Variants in CDH22 observed in about 807,000 individuals in gnomAD.
The protein encoded by CDH22 is cadherin 22.
In CDH22, 30 loss-of-function variants were observed where a neutral mutation model predicts 58.4. The observed-to-expected ratio is 0.51, with a 90% confidence interval of 0.38 to 0.70. CDH22 has a LOEUF of 0.70. CDH22 is among the 30% of genes least tolerant of loss of function. The pLI is 0.00. For synonymous variants in CDH22, 513 were observed against 558.2 expected, an observed-to-expected ratio of 0.92 and a Z score of 1.14; for missense variants, 1,014 against 1,233.9, an observed-to-expected ratio of 0.82 and a Z score of 2.67.
rs992868334 is a variant in CDH22 at position 46,308,359 on chromosome 20, C to G, written c.-504G>C. ...GGGCGAGTCCGGAGCCCCGCGGCCG[C>G]CCGCAGGAGCCGGAGGGAGAGCGGG... On this transcript the variant is annotated 5_prime_UTR_variant, in exon 1 of 12. Transcript: ENST00000537909. The surrounding 1 kb of genome is among the most constrained non-coding windows in gnomAD (Gnocchi z 4.3). The G allele has an allele frequency of 8.1e-5, 15 of 185,392 alleles. No homozygotes were observed. The highest frequency in any genetic ancestry group is 3.1e-4 in the African/African-American group (13 of 42,092). 11.5% of individuals were successfully genotyped at this position (185,392 alleles called of 1,614,324 possible).
rs890904932 is a variant in CDH22, at chr20:46,251,151, T to C, written c.144A>G (p.Gly48=). The C allele has an allele frequency of 1.1e-5, 17 of 1,593,488 alleles. No homozygotes were observed. The African/African-American group carries it at 1.7e-4, about 16-fold the overall frequency. Reference sequence around the variant, plus strand: ...CTCCCAGCGCGCCGTCCTGCCGAGCTCCGGGCGCCGACGGCGAGGGTGTGC... The same window carrying C: ...CTCCCAGCGCGCCGTCCTGCCGAGCCCCGGGCGCCGACGGCGAGGGTGTGC... ...AAGTPSPSAP[G]ARQDGALGAG... Residue 48 remains glycine (G), a synonymous_variant, in exon 2 of 12, where the codon GGA becomes GGG. Transcript: ENST00000537909. This position sits in a 1 kb window ranked among gnomAD's most constrained non-coding sequence, Gnocchi z 6.7.
rs776176387 is a variant in CDH22 at position 46,251,218 on chromosome 20, A to G, written c.77T>C (p.Leu26Pro). Residue 26 changes from leucine (L) to proline (P), a missense_variant, in exon 2 of 12, where the codon CTG becomes CCG. By Grantham distance (98) the Leu-to-Pro change is moderately conservative. Coordinates refer to ENST00000537909, the MANE Select transcript of CDH22 (RefSeq NM_021248.3). The surrounding 1 kb of genome is among the most constrained non-coding windows in gnomAD (Gnocchi z 6.7). The part of the protein sequence containing the change: ...LSPALLLLLL[L>P]PPPPTLLGRL... ...CCCCAGCAGCGTCGGCGGCGGCGGC[A>G]GCAGCAGCAGCAGCAGTAGCGCGGG... The G allele has an allele frequency of 2.0e-5, 26 of 1,307,578 alleles. No homozygotes were observed. Among genetic ancestry groups the G allele is most frequent in the South Asian group, 6.5e-5 (4 of 61,874 alleles). The allele number at this position is 1,307,578 out of a possible 1,614,324, so 81.0% of individuals were successfully genotyped here. A position where few individuals can be genotyped will look rare whatever the true frequency, so the allele number is the denominator to read the frequency against.
At chr20:46,254,785 T>C (rs1013378877) in intron 1 of CDH22, among the ~76,000 whole-genome samples, 3 of 151,984 alleles carry the variant, frequency 2.0e-5, no homozygotes, top group African/African-American at 7.2e-5. Flanking sequence ...GGAGGTGGCA[T>C]TGGGCTGAGT....
intron 1 of CDH22, among the ~76,000 whole-genome samples, chr20:46,261,106 T>C (rs1225788041): frequency 6.6e-6 from 1 of 152,236 alleles, no homozygotes; most frequent in Non-Finnish European, 1.5e-5. Flanking sequence ...CTTGGTAATT[T>C]GCTTCCTTTC....
chr20:46,253,245 G>T (rs2086389626), intron 1 of CDH22, among the ~76,000 whole-genome samples: 1 of 152,210 alleles, frequency 6.6e-6, no homozygotes, highest in African/African-American at 2.4e-5. Flanking sequence ...TGCCTATTTT[G>T]CAGATGCCTA....
intron 1 of CDH22, among the ~76,000 whole-genome samples, chr20:46,289,692 G>A (rs530233054): frequency 1.3e-5 from 2 of 152,262 alleles, no homozygotes; most frequent in South Asian, 2.1e-4. Context: ...TGCCTGGGGC[G>A]ATATGAGGGA....
chr20:46,294,715 G>T (rs1018557537), intron 1 of CDH22, among the ~76,000 whole-genome samples: 1 of 152,180 alleles, frequency 6.6e-6, no homozygotes, highest in Non-Finnish European at 1.5e-5. Context: ...GGGTAGGTGG[G>T]GGCTTGGGAG....
chr20:46,248,563 C>G (rs945536871), intron 2 of CDH22, among the ~76,000 whole-genome samples: 1 of 152,200 alleles, frequency 6.6e-6, no homozygotes, highest in Non-Finnish European at 1.5e-5. Context: ...TGGCTGACTT[C>G]TGTAATCCCA....
chr20:46,229,302 A>G (rs1353431652), intron 3 of CDH22, among the ~76,000 whole-genome samples: 1 of 122,452 alleles, frequency 8.2e-6, no homozygotes, highest in Non-Finnish European at 1.7e-5. Context: ...CCCCCCCCCA[A>G]TTTTACAGCT....
At chr20:46,176,072 C>T (rs1207881763) in intron 11 of CDH22, among the ~76,000 whole-genome samples, 2 of 152,196 alleles carry the variant, frequency 1.3e-5, no homozygotes, top group African/African-American at 4.8e-5. Flanking sequence ...TCCACATTCT[C>T]CTCCTCCTCC....
chr20:46,278,750 T>G (rs2086534146), intron 1 of CDH22, among the ~76,000 whole-genome samples: 1 of 152,040 alleles, frequency 6.6e-6, no homozygotes, highest in East Asian at 1.9e-4. Flanking sequence ...CACCTGGCTA[T>G]TAAACAAATT....
chr20:46,306,548 C>T (rs1490801702), intron 1 of CDH22, among the ~76,000 whole-genome samples: 1 of 152,204 alleles, frequency 6.6e-6, no homozygotes, highest in Non-Finnish European at 1.5e-5. Flanking sequence ...ACAGACATCT[C>T]CAGGAAGCAG....
chr20:46,199,569 G>GC lies in CDH22; in HGVS notation c.1287-11dup. 2 of 1,612,074 alleles carry GC rather than the reference G, an allele frequency of 1.2e-6. No homozygotes were observed. The highest frequency in any genetic ancestry group is 1.7e-6 in the Non-Finnish European group (2 of 1,179,020). On this transcript the variant is annotated splice_polypyrimidine_tract_variant and intron_variant, in intron 7 of 11. Transcript: ENST00000537909. ...GCGGTCAATGGCGTACCTGCGGGGG[G>GC]CAGGGCAGGGCTGATTGAAGGTGCC...
rs765796879 is a variant in CDH22 at position 46,177,934 on chromosome 20, C to G, written c.1915+12G>C. 1.9e-6 allele frequency: 3 copies of G among 1,612,718 alleles called. No homozygotes were observed. In the South Asian group the frequency reaches 3.3e-5, roughly 18 times the overall value. On this transcript the variant is annotated intron_variant, in intron 11 of 11. Coordinates refer to ENST00000537909, the MANE Select transcript of CDH22 (RefSeq NM_021248.3). ...CAATCAGGCAGGGCTGGGTGGCTCTCGATGGACTCACCAACCAGGATGAGA... is the reference window on the plus strand; with the variant it reads ...CAATCAGGCAGGGCTGGGTGGCTCTGGATGGACTCACCAACCAGGATGAGA...
chr20:46,207,387 C>G (rs373828352), intron 7 of CDH22, among the ~76,000 whole-genome samples: 2 of 152,118 alleles, frequency 1.3e-5, no homozygotes, highest in Non-Finnish European at 2.9e-5. Flanking sequence ...CCTCCCGCTC[C>G]GTGTTCTTAC....
chr20:46,196,172 C>A (rs1056419501), intron 8 of CDH22, among the ~76,000 whole-genome samples: 1 of 152,184 alleles, frequency 6.6e-6, no homozygotes, highest in African/African-American at 2.4e-5. Context: ...TGGGGCCATC[C>A]CTGTTCTTCC....
chr20:46,195,911 C>T (rs1045200060), intron 8 of CDH22, among the ~76,000 whole-genome samples: 16 of 152,136 alleles, frequency 1.1e-4, no homozygotes, highest in African/African-American at 3.1e-4. Context: ...CACCAAGCGC[C>T]GCCGCTGTGT....
chr20:46,291,995 T>C (rs956952193), intron 1 of CDH22, among the ~76,000 whole-genome samples: 5 of 152,218 alleles, frequency 3.3e-5, no homozygotes, highest in African/African-American at 1.2e-4. Context: ...AAATGTTCCC[T>C]GGAGGCCAAA....
intron 8 of CDH22, among the ~76,000 whole-genome samples, chr20:46,198,287 GACACACACACACACAC>G (rs368091518): frequency 1.6e-4 from 20 of 128,706 alleles, no homozygotes; most frequent in Non-Finnish European, 2.8e-4. Flanking sequence ...GCACCAAAAA[GACACACACACACACAC>G]ACACACACAC....
Sources: gnomAD v4.1 joint callset for allele counts (sites outside exome capture counted in the v4.1 genomes callset) on GRCh38, gnomAD v4.1.1 for gene constraint, Gnocchi (gnomAD v3.1) non-coding constraint, MANE v1.5 for transcripts, NCBI Gene and HGNC (gene_info 2026-07-23, HGNC 2026-07-21) for gene names.